The following CECR2 variants were observed in gnomAD, a reference collection of about 807,000 sequenced individuals.
CECR2 encodes the protein chromatin remodeling regulator CECR2.
In CECR2, 30 loss-of-function variants were observed where a neutral mutation model predicts 154.5. The ratio of observed to expected loss-of-function variants is 0.19; its 90% CI spans 0.15 to 0.26. CECR2 has a LOEUF of 0.26. Among genes scored for constraint, CECR2 ranks in the 10% least tolerant of loss-of-function variants. CECR2 has a pLI of 1.00. For synonymous variants in CECR2, 725 were observed against 683.7 expected (o/e 1.06, Z -0.94); for missense variants, 1,743 against 1,829.3 (o/e 0.95, Z 0.86).
chr22:17,405,399 C>T (rs573339774), intron 1 of CECR2, among the ~76,000 whole-genome samples: 45 of 147,514 alleles, frequency 3.1e-4, no homozygotes, highest in African/African-American at 6.8e-4. Flanking sequence ...GCAACGAGAG[C>T]GAAACTCCGT....
intron 8 of CECR2, among the ~76,000 whole-genome samples, chr22:17,523,014 A>AGGGGG (rs1184925448): frequency 0.033 from 4,797 of 145,826 alleles, 117 homozygotes; most frequent in Non-Finnish European, 0.05. Flanking sequence ...CGGGGGGAAA[A>AGGGGG]AAAAAAGCCT....
At chr22:17,381,777 A>G (rs2063193454) in intron 1 of CECR2, among the ~76,000 whole-genome samples, 1 of 152,176 alleles carries the variant, frequency 6.6e-6, no homozygotes, top group East Asian at 1.9e-4. Flanking sequence ...GTAAGAGTTC[A>G]GAGGAAGGCA....
intron 17 of CECR2, among the ~76,000 whole-genome samples, chr22:17,549,792 T>G (rs1312211872): frequency 3.4e-5 from 5 of 147,192 alleles, no homozygotes; most frequent in South Asian, 2.2e-4. Context: ...TGGTTTTTTT[T>G]TTTTTTTTTT....
chr22:17,370,323 G>C (rs1205405493), intron 1 of CECR2, among the ~76,000 whole-genome samples: 12 of 150,186 alleles, frequency 8.0e-5, no homozygotes, highest in African/African-American at 2.9e-4. Context: ...CGGGCGCGGG[G>C]GGGGGGCCCG....
intron 7 of CECR2, among the ~76,000 whole-genome samples, chr22:17,506,680 G>T (rs1469333906): frequency 6.6e-6 from 1 of 152,084 alleles, no homozygotes; most frequent in Non-Finnish European, 1.5e-5. Context: ...TTGAGACAGA[G>T]ACTCGCTCTG....
At chr22:17,466,814 G>T (rs138000907) in intron 1 of CECR2, among the ~76,000 whole-genome samples, 8 of 152,088 alleles carry the variant, frequency 5.3e-5, no homozygotes, top group Admixed American at 2.0e-4. Flanking sequence ...GGCTGGTCTC[G>T]AACTCCTGAC....
chr22:17,406,013 A>G (rs2053978873), intron 1 of CECR2, among the ~76,000 whole-genome samples: 1 of 152,186 alleles, frequency 6.6e-6, no homozygotes, highest in Admixed American at 6.5e-5. Context: ...AAATACGAAT[A>G]TATTAGAAGT....
intron 1 of CECR2, among the ~76,000 whole-genome samples, chr22:17,383,149 CG>C (rs1569045447): frequency 6.6e-6 from 1 of 152,032 alleles, no homozygotes; most frequent in East Asian, 1.9e-4. Flanking sequence ...CTCTTGAACC[CG>C]GGAGGCGGAG....
chr22:17,439,823 G>A (rs2054557823), intron 1 of CECR2, among the ~76,000 whole-genome samples: 2 of 152,178 alleles, frequency 1.3e-5, no homozygotes, highest in African/African-American at 2.4e-5. Context: ...GGCCTAAAAT[G>A]GAGAACAGAG....
intron 16 of CECR2, among the ~76,000 whole-genome samples, chr22:17,547,519 C>T (rs1301712544): frequency 2.6e-5 from 4 of 152,156 alleles, no homozygotes; most frequent in Non-Finnish European, 4.4e-5. Context: ...CGTGAGCCAC[C>T]GTGCCCGGCC....
intron 1 of CECR2, among the ~76,000 whole-genome samples, chr22:17,464,915 A>C (rs901948068): frequency 2.0e-5 from 3 of 152,148 alleles, no homozygotes; most frequent in Non-Finnish European, 4.4e-5. Context: ...TTTCTAAGTC[A>C]CAATTTCTAA....
chr22:17,505,835 C>CTTTTTTTTT (rs3994825), intron 7 of CECR2, among the ~76,000 whole-genome samples: 1 of 84,552 alleles, frequency 1.2e-5, no homozygotes, highest in Non-Finnish European at 2.1e-5. Flanking sequence ...CTGCACCCGG[C>CTTTTTTTTT]TTTTTTTTTT....
intron 2 of CECR2, among the ~76,000 whole-genome samples, chr22:17,490,789 T>A (rs1408429111): frequency 6.6e-6 from 1 of 152,180 alleles, no homozygotes; most frequent in Non-Finnish European, 1.5e-5. Flanking sequence ...TTGGTTTTTA[T>A]GTATTAACAA....
At chr22:17,437,447 A>C (rs16982458) in intron 1 of CECR2, among the ~76,000 whole-genome samples, 1,757 of 152,074 alleles carry the variant, frequency 0.012, 39 homozygotes, top group African/African-American at 0.04. Context: ...CCTTTCATCT[A>C]CTTGCTGTGA....
intron 1 of CECR2, among the ~76,000 whole-genome samples, chr22:17,427,195 C>T (rs1253603916): frequency 6.6e-6 from 1 of 151,956 alleles, no homozygotes; most frequent in African/African-American, 2.4e-5. Flanking sequence ...TGAACTCACC[C>T]TTTTTTTAAT....
chr22:17,548,869 C>T lies in CECR2; in HGVS notation c.3582C>T (p.Tyr1194=), dbSNP rs372980749. Residue 1194 remains tyrosine (Y), a synonymous_variant, in exon 17 of 19, where the codon TAC becomes TAT. Coordinates refer to ENST00000262608, the MANE Select transcript of CECR2 (RefSeq NM_001290047.2). The part of the protein sequence containing the change: ...YSYHPPPQPS[Y]HHYQRTPYYA... ...ACCACCCACCGCCACAGCCTTCCTA[C>T]CACCACTATCAGCGAACTCCTTACT... 2.7e-4 allele frequency: 439 copies of T among 1,613,288 alleles called. 5 individuals carry two copies. In the East Asian group the frequency reaches 8.7e-3, roughly 32 times the overall value.
chr22:17,364,649 G>A (rs1367600434), upstream of CECR2, among the ~76,000 whole-genome samples: 1 of 152,112 alleles, frequency 6.6e-6, no homozygotes, highest in East Asian at 1.9e-4. Flanking sequence ...TTCCAGACCA[G>A]CCTGGCCAAT....
intron 8 of CECR2, among the ~76,000 whole-genome samples, chr22:17,515,384 A>G (rs1332268632): frequency 2.0e-5 from 3 of 152,212 alleles, no homozygotes; most frequent in Non-Finnish European, 4.4e-5. Context: ...CCTGCCCACC[A>G]TGTCTTTATA....
rs2056530384 is a variant in CECR2 at position 17,541,944 on chromosome 22, C to G, written c.1990C>G (p.Gln664Glu). 6.2e-7 allele frequency: 1 copy of G among 1,613,700 alleles called. No individual in the cohort carries two copies. Among genetic ancestry groups the G allele is most frequent in the South Asian group, 1.1e-5 (1 of 91,066 alleles). ...GCCACACCCCGGGGAGCCTGTGCAG[C>G]AGCGTCAGCCTTTCACCATGCAGGT... ...PEPHPGEPVQ[Q>E]RQPFTMQPPV... Residue 664 changes from glutamine to glutamate, a missense_variant, in exon 15 of 19, where the codon CAG becomes GAG. Coordinates refer to ENST00000262608, the MANE Select transcript of CECR2 (RefSeq NM_001290047.2).
Sources: allele counts gnomAD v4.1 joint callset (sites outside exome capture counted in the v4.1 genomes callset), GRCh38; gene constraint gnomAD v4.1.1; transcripts MANE v1.5; gene names NCBI Gene and HGNC (gene_info 2026-07-23, HGNC 2026-07-21).